The following COG8 variants were observed in gnomAD, a reference collection of about 807,000 sequenced individuals.
The protein encoded by COG8 is component of oligomeric golgi complex 8.
A neutral mutation model predicts 46.5 loss-of-function variants in COG8; 45 were observed. The observed-to-expected ratio is 0.97, with a 90% CI of 0.76 to 1.24. The LOEUF is 1.24. Among genes scored for constraint, COG8 ranks in the 50% most tolerant of loss-of-function variants. The probability of loss-of-function intolerance (pLI) is 0.00; values close to 1 mark genes in which losing one functional copy is unlikely to be tolerated. For synonymous variants in COG8, 407 were observed against 347.8 expected (o/e 1.17, Z -1.90); for missense variants, 793 against 820.8 (o/e 0.97, Z 0.41).
At chr16:69,330,304 C>G (rs756834324) in intron 5 of COG8, 1 of 1,433,148 alleles carries the variant, frequency 7.0e-7, no homozygotes, top group Non-Finnish European at 9.1e-7. Context: ...GCAGCTCGGG[C>G]CCGCCTAGCT....
In COG8 at chr16:69,330,064, G is replaced by A. The variant is rs754681913; in HGVS notation, c.*26+749C>T. 25 of 1,559,648 alleles carry A rather than the reference G, an allele frequency of 1.6e-5. No homozygotes were observed. The Admixed American group carries it at 3.6e-4, about 22-fold the overall frequency. On this transcript the variant is annotated intron_variant, in intron 5 of 5. Transcript: ENST00000306875. ...AGCCGGCGACGCTCTCGCAGCCCTC[G>A]GGAAAGGTGACCAGGCGGCTGTCAA...
In COG8 at chr16:69,335,143, T is replaced by C. The variant is rs1156907493; in HGVS notation, c.791A>G (p.Asn264Ser). The change falls in exon 3 of 6, where the codon AAT becomes AGT. Residue 264 changes from asparagine to serine, a missense_variant. By Grantham distance (46) the Asn-to-Ser change is conservative. Coordinates refer to ENST00000306875, the MANE Select transcript of COG8 (RefSeq NM_032382.5). ...TGTAATATGGAAATAGGGATCATCA[T>C]TAGGAATGGCAGTCAGGATGGACCG... ...WLRSILTAIP[N>S]DDPYFHITKT... 1 of 1,614,110 alleles carries C rather than the reference T, an allele frequency of 6.2e-7. No homozygotes were observed.
chr16:69,332,014 G>GC (rs1487905257), intron 4 of COG8, among the ~76,000 whole-genome samples: 1 of 152,178 alleles, frequency 6.6e-6, no homozygotes, highest in Non-Finnish European at 1.5e-5. Context: ...CCTCAACCAA[G>GC]CCCCTCTCCT....
rs1965606771 is a variant in COG8 at position 69,326,871 on chromosome 16, G to T, written c.*2335C>A. ...ACGTTGACATGTATATGCGTTTTTT[G>T]TGAGTGCTTCCTGCTCAAAGTGGGA... is the stretch of plus-strand genomic sequence containing the variant. On this transcript the variant is annotated 3_prime_UTR_variant, in exon 6 of 6. Transcript: ENST00000306875. The T allele has an allele frequency of 6.6e-6, 1 of 151,978 alleles. No individual in the cohort carries two copies. Among genetic ancestry groups the T allele is most frequent in the Non-Finnish European group, 1.5e-5 (1 of 67,934 alleles). The allele number at this position is 151,978 out of a possible 1,614,324, so 9.4% of individuals were successfully genotyped here.
In COG8 at chr16:69,328,873, C is replaced by T. The variant is rs1165518763; in HGVS notation, c.*333G>A. ...ATTTCAGGGCAAACATTTCTGACATCTTCCTCCAGCTCAGTCTGCCATGCC... is the reference window on the plus strand; with the variant it reads ...ATTTCAGGGCAAACATTTCTGACATTTTCCTCCAGCTCAGTCTGCCATGCC... On this transcript the variant is annotated 3_prime_UTR_variant, in exon 6 of 6. Transcript: ENST00000306875. 12 of 1,032,114 alleles carry T rather than the reference C, an allele frequency of 1.2e-5. No homozygotes were observed. In the South Asian group the frequency reaches 1.7e-4, roughly 14 times the overall value. 63.9% of individuals were successfully genotyped at this position (1,032,114 alleles called of 1,614,324 possible).
chr16:69,331,453 C>CAAA (rs1185929938), intron 4 of COG8, among the ~76,000 whole-genome samples: 2,192 of 61,050 alleles, frequency 0.036, 38 homozygotes, highest in Non-Finnish European at 0.045. Flanking sequence ...AACTCCGTCT[C>CAAA]AAAAAAAAAA....
intron 4 of COG8, among the ~76,000 whole-genome samples, chr16:69,331,338 G>A (rs2011816999): frequency 6.6e-6 from 1 of 150,878 alleles, no homozygotes; most frequent in Non-Finnish European, 1.5e-5. Flanking sequence ...TGTAATCCCA[G>A]CTACTTGGGA....
chr16:69,339,326 A>C lies in COG8; in HGVS notation c.227T>G (p.Leu76Arg), dbSNP rs763242160. The C allele has an allele frequency of 1.9e-6, 3 of 1,608,718 alleles. No individual in the cohort carries two copies. Among genetic ancestry groups the C allele is most frequent in the Non-Finnish European group, 2.5e-6 (3 of 1,178,694 alleles). Reference sequence around the variant, plus strand: ...GAAGGCCAAGTCGCGCGTCTGCTGCAGCAGCTGCGCCCGCTCCTCCGCCAG... The same window carrying C: ...GAAGGCCAAGTCGCGCGTCTGCTGCCGCAGCTGCGCCCGCTCCTCCGCCAG... ...ERLAEERAQL[L>R]QQTRDLAFAN... Residue 76 changes from leucine to arginine, a missense_variant, in exon 1 of 6, where the codon CTG (leucine) becomes CGG (arginine). Leu to Arg is a moderately radical substitution (Grantham distance 102). Transcript: ENST00000306875.
At position 69,329,053 on chromosome 16, in the gene COG8, G is replaced by A; in HGVS notation, c.*153C>T. On this transcript the variant is annotated 3_prime_UTR_variant, in exon 6 of 6. Transcript: ENST00000306875. ...ATTCACCTTCATCCAATAGACGTTT[G>A]TGAACGTCCTGCTGTCCATTTTGTC... is the stretch of plus-strand genomic sequence containing the variant. 1 of 1,611,288 alleles carries A rather than the reference G, an allele frequency of 6.2e-7. No individual in the cohort carries two copies. The highest frequency in any genetic ancestry group is 8.5e-7 in the Non-Finnish European group (1 of 1,179,210).
rs1327580645 is a variant in COG8 at position 69,335,320 on chromosome 16, A to G, written c.614T>C (p.Met205Thr). 1.2e-6 allele frequency: 2 copies of G among 1,606,960 alleles called. No individual in the cohort carries two copies. The highest frequency in any genetic ancestry group is 1.7e-6 in the Non-Finnish European group (2 of 1,178,658). ...QGIVNEVRQS[M>T]QLMLSQLIQQ... Reference sequence around the variant, plus strand: ...GATCAGCTGGCTCAGCATCAGCTGCATGGACTGGCGCACTTCGTTCACGAT... The same window carrying G: ...GATCAGCTGGCTCAGCATCAGCTGCGTGGACTGGCGCACTTCGTTCACGAT... The change falls in exon 3 of 6, where the codon ATG becomes ACG. Residue 205 changes from methionine (M) to threonine (T), a missense_variant. Met to Thr is a moderately conservative substitution (Grantham distance 81, BLOSUM62 -1). Transcript: ENST00000306875.
In COG8 at chr16:69,339,541, C is replaced by G. The variant is rs756986120; in HGVS notation, c.12G>C (p.Ala4=). 2 of 1,608,900 alleles carry G rather than the reference C, an allele frequency of 1.2e-6. No homozygotes were observed. The highest frequency in any genetic ancestry group is 1.1e-5 in the South Asian group (1 of 90,980). MAT[A]ATIPSVATAT... is the part of the protein sequence containing the mutation. ...CCGTGGCTACCGATGGGATAGTCGC[C>G]GCGGTCGCCATCTTCCCAGCAACAA... The change falls in exon 1 of 6, where the codon GCG becomes GCC. Residue 4 remains alanine (A), a synonymous_variant. Coordinates refer to ENST00000306875, the MANE Select transcript of COG8 (RefSeq NM_032382.5).
chr16:69,339,520 G>C lies in COG8; in HGVS notation c.33C>G (p.Ala11=). 2 of 1,607,966 alleles carry C rather than the reference G, an allele frequency of 1.2e-6. No individual in the cohort carries two copies. Among genetic ancestry groups the C allele is most frequent in the Non-Finnish European group, 1.7e-6 (2 of 1,179,920 alleles). Residue 11 remains alanine, a synonymous_variant, in exon 1 of 6, where the codon GCC becomes GCG. Transcript: ENST00000306875. ...CGCCGAGAGCCGCTGCTGTGGCCGT[G>C]GCTACCGATGGGATAGTCGCCGCGG... MATAATIPSV[A]TATAAALGEV...
At chr16:69,332,554 A>G (rs2011944755) in intron 4 of COG8, 160 bp downstream of exon 4, 1 of 759,182 alleles carries the variant, frequency 1.3e-6, no homozygotes, top group South Asian at 1.5e-5. Flanking sequence ...CTGTCGAGGA[A>G]TGACTACAAA....
At chr16:69,331,475 AAAG>A (rs1283754521) in intron 4 of COG8, among the ~76,000 whole-genome samples, 30 of 148,984 alleles carry the variant, frequency 2.0e-4, no homozygotes, top group African/African-American at 5.5e-4. Flanking sequence ...AAAAAAAAAA[AAAG>A]GAAATTTAAG....
chr16:69,339,400 C>T lies in COG8; in HGVS notation c.153G>A (p.Arg51=), dbSNP rs1418393205. Residue 51 remains arginine (R), a synonymous_variant, in exon 1 of 6, where the codon CGG becomes CGA. Transcript: ENST00000306875. ...GCTCCAGCCCCGAGCCGCTCAACTC[C>T]CGGAGGTAGCGGCCCACATCGGGCC... ...RERPDVGRYL[R]ELSGSGLERL... 3.8e-6 allele frequency: 6 copies of T among 1,584,748 alleles called. No homozygotes were observed. The Admixed American group carries it at 8.8e-5, about 23-fold the overall frequency.
At position 69,339,304 on chromosome 16, in the gene COG8, G is replaced by C. The variant is rs144030835; in HGVS notation, c.249C>G (p.Ala83=). ...GGATGAAGGTCTTGTAGTTAGCGAA[G>C]GCCAAGTCGCGCGTCTGCTGCAGCA... is the stretch of plus-strand genomic sequence containing the variant. The part of the protein sequence containing the change: ...AQLLQQTRDL[A]FANYKTFIRG... Residue 83 remains alanine, a synonymous_variant, in exon 1 of 6, where the codon GCC becomes GCG. Coordinates refer to ENST00000306875, the MANE Select transcript of COG8 (RefSeq NM_032382.5). 5.6e-4 allele frequency: 899 copies of C among 1,611,712 alleles called. No individual in the cohort carries two copies. The highest frequency in any genetic ancestry group is 7.1e-4 in the Non-Finnish European group (843 of 1,179,494).
rs2143290027 is a variant in COG8 at position 69,327,847 on chromosome 16, T to C, written c.*1359A>G. The C allele has an allele frequency of 6.7e-6, 1 of 149,822 alleles. No homozygotes were observed. The highest frequency in any genetic ancestry group is 2.1e-4 in the South Asian group (1 of 4,742). The allele number at this position is 149,822 out of a possible 1,614,324, so 9.3% of individuals were successfully genotyped here. ...GGCAACATAGTAAGACCCCCGTCTC[T>C]ATCTTAAAAAAAAAATAAAAGAATA... On this transcript the variant is annotated 3_prime_UTR_variant, in exon 6 of 6. Transcript: ENST00000306875.
intron 4 of COG8, 102 bp downstream of exon 4, chr16:69,332,612 A>T (rs2011948977): frequency 9.1e-7 from 1 of 1,103,956 alleles, no homozygotes; most frequent in Non-Finnish European, 1.4e-6. Context: ...CTAAAATTGG[A>T]TTCATATTTA....
intron 1 of COG8, among the ~76,000 whole-genome samples, chr16:69,338,775 A>T (rs1245980107): frequency 2.0e-5 from 3 of 152,200 alleles, no homozygotes; most frequent in Non-Finnish European, 4.4e-5. Flanking sequence ...AGATCACGAC[A>T]TCAAAAGATC....
Sources: allele counts gnomAD v4.1 joint callset (sites outside exome capture counted in the v4.1 genomes callset), GRCh38; gene constraint gnomAD v4.1.1; transcripts MANE v1.5; gene names NCBI Gene and HGNC (gene_info 2026-07-23, HGNC 2026-07-21).